NUGGC: variants seen among roughly 807,000 people sequenced by gnomAD.
NUGGC encodes the protein nuclear GTPase SLIP-GC.
NUGGC carries 58 observed loss-of-function variants against 92.6 expected under a neutral mutation model. That is an observed-to-expected ratio of 0.63 (90% CI 0.51 to 0.78). NUGGC has a LOEUF of 0.78. Among genes scored for constraint, NUGGC ranks in the 30% least tolerant of loss-of-function variants. NUGGC has a pLI of 0.00. For missense variants in NUGGC, 925 were observed against 964.6 expected, an observed-to-expected ratio of 0.96 and a Z score of 0.54; for synonymous variants, 376 against 366.4, an observed-to-expected ratio of 1.03 and a Z score of -0.30.
intron 9 of NUGGC, among the ~76,000 whole-genome samples, chr8:28,057,330 C>CTTTTTT (rs57167648): frequency 1.3e-3 from 155 of 123,842 alleles, no homozygotes; most frequent in Non-Finnish European, 1.5e-3. Context: ...ATTTTCTTTC[C>CTTTTTT]TTTTTTTTTT....
chr8:28,037,764 G>C (rs1209647245), intron 13 of NUGGC, among the ~76,000 whole-genome samples: 2 of 152,190 alleles, frequency 1.3e-5, no homozygotes, highest in Admixed American at 1.3e-4. Context: ...CGGAAAGCAG[G>C]CCCGGAAATG....
intron 13 of NUGGC, 33 bp from the exon 14 acceptor site, chr8:28,033,730 G>A: frequency 6.3e-7 from 1 of 1,597,814 alleles, no homozygotes; most frequent in Non-Finnish European, 8.6e-7. Context: ...GCAGAGTTAG[G>A]CATTAACTGG....
intron 9 of NUGGC, among the ~76,000 whole-genome samples, chr8:28,056,488 A>AG (rs1810144019): frequency 1.3e-5 from 2 of 152,048 alleles, no homozygotes; most frequent in African/African-American, 4.8e-5. Flanking sequence ...AAAAAAAAAA[A>AG]AAAAATACAC....
rs570307878 is a variant in NUGGC at position 28,040,006 on chromosome 8, G to T, written c.1611+1045C>A. On this transcript the variant is annotated intron_variant, in intron 13 of 18. Transcript: ENST00000413272. ...CAGGAGTGTGCGTGCTCAGTGAAGA[G>T]GCCACGTGAGGATGCAGCAAAAATG... Among the ~76,000 whole-genome samples, 5 of 152,294 alleles carry T rather than the reference G, an allele frequency of 3.3e-5. No homozygotes were observed. In the South Asian group the frequency reaches 1.0e-3, roughly 32 times the overall value.
chr8:28,040,157 T>G (rs112716051), intron 13 of NUGGC, among the ~76,000 whole-genome samples: 15 of 152,316 alleles, frequency 9.8e-5, no homozygotes, highest in African/African-American at 3.4e-4. Flanking sequence ...CCACCCAGTC[T>G]ATAGGATTTT....
chr8:28,067,765 C>T (rs753976024), intron 5 of NUGGC, 21 bp from the exon 6 acceptor site: 50 of 1,566,098 alleles, frequency 3.2e-5, no homozygotes, highest in Non-Finnish European at 4.4e-5. Flanking sequence ...AGAGTAGGGC[C>T]AAGCCCCTCT....
At chr8:28,028,921 C>G (rs1809339448) in intron 17 of NUGGC, among the ~76,000 whole-genome samples, 1 of 152,176 alleles carries the variant, frequency 6.6e-6, no homozygotes, top group Non-Finnish European at 1.5e-5. Context: ...GTGCATCTCC[C>G]TGGCTGTGTG....
intron 14 of NUGGC, among the ~76,000 whole-genome samples, chr8:28,031,935 A>G (rs956528041): frequency 1.1e-4 from 16 of 152,172 alleles, no homozygotes; most frequent in Middle Eastern, 3.2e-3. Context: ...AAGATGCACA[A>G]TTTTCTGAAT....
At chr8:28,057,346 T>TTTG (rs199902312) in intron 9 of NUGGC, among the ~76,000 whole-genome samples, 2 of 150,168 alleles carry the variant, frequency 1.3e-5, no homozygotes, top group African/African-American at 4.9e-5. Context: ...TTTTTTTTTT[T>TTTG]TTGTTGTTGT....
chr8:28,026,793 T>TCAC (rs1350481971), intron 18 of NUGGC, among the ~76,000 whole-genome samples, 169 bp downstream of exon 18: 1 of 147,066 alleles, frequency 6.8e-6, no homozygotes, highest in African/African-American at 2.5e-5. Context: ...ATCATCATCA[T>TCAC]CACCATCATC....
At chr8:28,070,621 C>T (rs994332990) in intron 2 of NUGGC, among the ~76,000 whole-genome samples, 3 of 150,174 alleles carry the variant, frequency 2.0e-5, no homozygotes, top group African/African-American at 7.3e-5. Flanking sequence ...AGACAGGGGT[C>T]TTACTGTGTT....
intron 12 of NUGGC, among the ~76,000 whole-genome samples, chr8:28,043,584 C>G (rs1039750679): frequency 1.3e-5 from 2 of 152,180 alleles, no homozygotes; most frequent in South Asian, 4.1e-4. Context: ...CAGTCAGCCC[C>G]CTTCTCCTCT....
In NUGGC at chr8:28,060,449, T is replaced by A. The variant is rs767411244; in HGVS notation, c.1074A>T (p.Lys358Asn). The A allele has an allele frequency of 1.2e-5, 19 of 1,613,580 alleles. No individual in the cohort carries two copies. The highest frequency in any genetic ancestry group is 1.6e-5 in the Non-Finnish European group (19 of 1,179,746). The change falls in exon 8 of 19, where the codon AAA becomes AAT. Residue 358 changes from lysine to asparagine, a missense_variant. Transcript: ENST00000413272. ...ACCTTAGGTATTCTGGCAAGTGGAG[T>A]TTGTCCATCTTGGTGACCACCAGGG... ...DVALVVTKMD[K>N]LHLPEYLRER...
At chr8:28,030,450 G>T in intron 15 of NUGGC, 32 bp from the exon 16 acceptor site, 2 of 1,206,376 alleles carry the variant, frequency 1.7e-6, no homozygotes, top group Non-Finnish European at 2.4e-6. Flanking sequence ...GGCCGTTGGT[G>T]ACAATTCCTT....
At chr8:28,051,653 C>T (rs181248100) in intron 10 of NUGGC, among the ~76,000 whole-genome samples, 2 of 152,328 alleles carry the variant, frequency 1.3e-5, no homozygotes. Context: ...CGGCCAGGTG[C>T]ATTGGCTCAT....
intron 7 of NUGGC, among the ~76,000 whole-genome samples, chr8:28,063,555 G>A (rs563215911): frequency 6.6e-6 from 1 of 152,198 alleles, no homozygotes; most frequent in African/African-American, 2.4e-5. Context: ...GGATAATATA[G>A]AGCGTGCCCT....
chr8:28,023,206 C>A lies in NUGGC; in HGVS notation c.*111G>T. On this transcript the variant is annotated 3_prime_UTR_variant, in exon 19 of 19. Transcript: ENST00000413272. ...TGAGCTGTGATGGTGCCACTGCACT[C>A]CAGCCTGGGCAACAGAGGTAGATAG... 7.9e-7 allele frequency: 1 copy of A among 1,261,364 alleles called. No homozygotes were observed. The highest frequency in any genetic ancestry group is 1.1e-6 in the Non-Finnish European group (1 of 926,052). 78.1% of individuals were successfully genotyped at this position (1,261,364 alleles called of 1,614,324 possible).
intron 1 of NUGGC, among the ~76,000 whole-genome samples, chr8:28,081,926 G>A (rs1810861137): frequency 7.2e-6 from 1 of 138,756 alleles, no homozygotes; most frequent in Non-Finnish European, 1.5e-5. Context: ...GCTCTCACAA[G>A]AAGGTGAGCT....
intron 18 of NUGGC, among the ~76,000 whole-genome samples, chr8:28,025,550 A>T (rs1290880380): frequency 6.6e-6 from 1 of 152,182 alleles, no homozygotes; most frequent in East Asian, 1.9e-4. Context: ...TCATCTTAAA[A>T]CTTAGATTCC....
Sources: allele counts gnomAD v4.1 joint callset (sites outside exome capture counted in the v4.1 genomes callset), GRCh38; gene constraint gnomAD v4.1.1; transcripts MANE v1.5; gene names NCBI Gene and HGNC (gene_info 2026-07-23, HGNC 2026-07-21).